KCNMB2: variants seen among roughly 807,000 people sequenced by gnomAD.
The protein encoded by KCNMB2 is potassium calcium-activated channel subfamily M regulatory beta subunit 2, also known as calcium-activated potassium channel subunit beta-2.
KCNMB2 carries 9 observed loss-of-function variants against 24.5 expected under a neutral mutation model. The observed-to-expected ratio is 0.37, with a 90% CI of 0.22 to 0.64. KCNMB2 has a LOEUF of 0.64. Among genes scored for constraint, KCNMB2 ranks in the 30% least tolerant of loss-of-function variants. The pLI is 0.63. For missense variants in KCNMB2, 226 were observed against 284.3 expected, an observed-to-expected ratio of 0.79 and a Z score of 1.47; for synonymous variants, 109 against 104.4, an observed-to-expected ratio of 1.04 and a Z score of -0.27.
At chr3:178,718,817 T>G (rs952887444) in intron 1 of KCNMB2, among the ~76,000 whole-genome samples, 2 of 152,188 alleles carry the variant, frequency 1.3e-5, no homozygotes, top group African/African-American at 4.8e-5. Context: ...CTTACTGACC[T>G]AAGCAAATAT....
chr3:178,721,827 T>C (rs954015909), intron 1 of KCNMB2, among the ~76,000 whole-genome samples: 2 of 152,238 alleles, frequency 1.3e-5, no homozygotes, highest in South Asian at 4.1e-4. Context: ...CCCAAATAGC[T>C]GATGGTGTTG....
intron 1 of KCNMB2, among the ~76,000 whole-genome samples, chr3:178,663,631 C>T (rs7433956): frequency 0.14 from 20,605 of 152,120 alleles, 1,589 homozygotes; most frequent in Middle Eastern, 0.26. Flanking sequence ...ATTTGTACTA[C>T]TAGAAAGATT....
intron 2 of KCNMB2, among the ~76,000 whole-genome samples, chr3:178,824,386 G>A (rs1182211526): frequency 6.7e-6 from 1 of 150,112 alleles, no homozygotes; most frequent in Non-Finnish European, 1.5e-5. Flanking sequence ...TTTTTTTTTC[G>A]AGATGGAGAC....
intron 1 of KCNMB2, among the ~76,000 whole-genome samples, chr3:178,790,305 G>A (rs1472473410): frequency 6.6e-6 from 1 of 152,120 alleles, no homozygotes; most frequent in Non-Finnish European, 1.5e-5. Context: ...CCAGGGTCAT[G>A]CTGGCTTTAA....
Position 178,758,459 on chromosome 3 carries a change from T to C in KCNMB2, c.-67-48884T>C, listed in dbSNP as rs1172177413. 1.7e-3 allele frequency among the ~76,000 whole-genome samples: 135 copies of C among 78,410 alleles called. 6 individuals carry two copies. Among genetic ancestry groups the C allele is most frequent in the Non-Finnish European group, 2.9e-3 (120 of 41,072 alleles). 51.4% of individuals were successfully genotyped at this position (78,410 alleles called of 152,430 possible). On this transcript the variant is annotated intron_variant, in intron 1 of 4. Transcript: ENST00000452583. ...ATATATATACACACACAAGAGGTGATATATATACATATATATATCTCCAAG... is the reference window on the plus strand; with the variant it reads ...ATATATATACACACACAAGAGGTGACATATATACATATATATATCTCCAAG...
At chr3:178,617,983 C>A (rs1006987646) in intron 1 of KCNMB2, among the ~76,000 whole-genome samples, 12 of 151,358 alleles carry the variant, frequency 7.9e-5, no homozygotes, top group African/African-American at 2.9e-4. Flanking sequence ...GTAGATATGC[C>A]TATAGACAAA....
At chr3:178,817,228 A>ATATATATATATATATATATAT (rs1553781212) in intron 2 of KCNMB2, among the ~76,000 whole-genome samples, 5 of 102,410 alleles carry the variant, frequency 4.9e-5, no homozygotes, top group African/African-American at 2.7e-4. Context: ...TATATATATA[A>ATATATATATATATATATATAT]ATGAAGTGTG....
intron 1 of KCNMB2, among the ~76,000 whole-genome samples, chr3:178,805,516 G>A (rs898081016): frequency 1.3e-5 from 2 of 152,156 alleles, no homozygotes; most frequent in African/African-American, 2.4e-5. Context: ...TTTGCTGCTC[G>A]CTGTTGTTTG....
chr3:178,700,164 C>A (rs531837166), intron 1 of KCNMB2, among the ~76,000 whole-genome samples: 119 of 152,320 alleles, frequency 7.8e-4, no homozygotes, highest in African/African-American at 2.8e-3. Context: ...CAAAATAATT[C>A]TGTGCAGATA....
At chr3:178,734,141 G>A (rs1353688602) in intron 1 of KCNMB2, among the ~76,000 whole-genome samples, 1 of 151,998 alleles carries the variant, frequency 6.6e-6, no homozygotes, top group Non-Finnish European at 1.5e-5. Flanking sequence ...AACTTGGGAG[G>A]GTGCCCAAGT....
chr3:178,823,738 A>G (rs1178255723), intron 2 of KCNMB2, among the ~76,000 whole-genome samples: 2 of 152,188 alleles, frequency 1.3e-5, no homozygotes, highest in Non-Finnish European at 1.5e-5. Flanking sequence ...AGCTAAATAT[A>G]AGCCCTGAAT....
intron 1 of KCNMB2, among the ~76,000 whole-genome samples, chr3:178,780,224 G>T (rs1457241566): frequency 6.6e-6 from 1 of 152,058 alleles, no homozygotes; most frequent in Non-Finnish European, 1.5e-5. Context: ...GATAGTCTTT[G>T]ATAGATGCCC....
chr3:178,669,393 G>A (rs1000620687), intron 1 of KCNMB2, among the ~76,000 whole-genome samples: 11 of 151,926 alleles, frequency 7.2e-5, no homozygotes, highest in Admixed American at 5.9e-4. Flanking sequence ...AGAAGGAGAG[G>A]ACAGAGTGTA....
At chr3:178,762,645 A>G (rs759625265) in intron 1 of KCNMB2, among the ~76,000 whole-genome samples, 1 of 152,178 alleles carries the variant, frequency 6.6e-6, no homozygotes, top group Non-Finnish European at 1.5e-5. Flanking sequence ...CAGATGAGAG[A>G]AAGGTTGAAA....
At chr3:178,698,078 T>A (rs746506127) in intron 1 of KCNMB2, among the ~76,000 whole-genome samples, 6 of 152,154 alleles carry the variant, frequency 3.9e-5, no homozygotes, top group Non-Finnish European at 8.8e-5. Context: ...TTATGTGTGT[T>A]GGGGATGATC....
chr3:178,574,362 G>A (rs962583146), intron 1 of KCNMB2, among the ~76,000 whole-genome samples: 2 of 152,176 alleles, frequency 1.3e-5, no homozygotes, highest in African/African-American at 4.8e-5. Flanking sequence ...AGAACTAAGT[G>A]AGCCTTATTC....
chr3:178,669,490 T>C (rs1291101005), intron 1 of KCNMB2, among the ~76,000 whole-genome samples: 1 of 151,972 alleles, frequency 6.6e-6, no homozygotes, highest in Non-Finnish European at 1.5e-5. Flanking sequence ...AGTGAACATG[T>C]AGGGGTGGAG....
intron 1 of KCNMB2, among the ~76,000 whole-genome samples, chr3:178,547,448 G>A (rs1301641381): frequency 6.6e-6 from 1 of 152,188 alleles, no homozygotes; most frequent in African/African-American, 2.4e-5. Context: ...GATAGATGGT[G>A]AGATTATGGA....
intron 1 of KCNMB2, among the ~76,000 whole-genome samples, chr3:178,677,661 G>A (rs1408943079): frequency 6.6e-6 from 1 of 152,166 alleles, no homozygotes; most frequent in Non-Finnish European, 1.5e-5. Flanking sequence ...AAAATCACGA[G>A]GTTTTCACAA....
Sources: allele counts gnomAD v4.1 joint callset (sites outside exome capture counted in the v4.1 genomes callset), GRCh38; gene constraint gnomAD v4.1.1; transcripts MANE v1.5; gene names NCBI Gene and HGNC (gene_info 2026-07-23, HGNC 2026-07-21).